LOC128462377: variants seen among roughly 807,000 people sequenced by gnomAD.
chr16:89,319,300 T>G, the LOC128462377 span, among the ~76,000 whole-genome samples: 13 of 152,364 alleles, frequency 8.5e-5, no homozygotes, highest in Admixed American at 7.2e-4. Context: ...ATTCTCTTCA[T>G]GTCCCTAGCT....
the LOC128462377 span, among the ~76,000 whole-genome samples, chr16:89,327,554 C>T: frequency 2.0e-5 from 3 of 152,202 alleles, no homozygotes; most frequent in Admixed American, 6.5e-5. Flanking sequence ...CACACAAACA[C>T]CTATCCTATT....
chr16:89,386,362 C>G, the LOC128462377 span, among the ~76,000 whole-genome samples: 3 of 152,120 alleles, frequency 2.0e-5, no homozygotes, highest in Non-Finnish European at 4.4e-5. Context: ...CAACGTTACT[C>G]GTGTGTCCAG....
the LOC128462377 span, among the ~76,000 whole-genome samples, chr16:89,415,200 C>T: frequency 6.6e-6 from 1 of 151,854 alleles, no homozygotes; most frequent in African/African-American, 2.4e-5. Context: ...GTGATCTACC[C>T]ACCCCTTCCT....
the LOC128462377 span, among the ~76,000 whole-genome samples, chr16:89,326,462 G>C: frequency 6.6e-6 from 1 of 151,156 alleles, no homozygotes; most frequent in African/African-American, 2.4e-5. Context: ...TACACAAATA[G>C]GGCCAGGCAC....
At chr16:89,358,837 T>G in the LOC128462377 span, among the ~76,000 whole-genome samples, 2 of 152,004 alleles carry the variant, frequency 1.3e-5, no homozygotes. Flanking sequence ...TGTAGGTTTT[T>G]TTTTTGAGAA....
chr16:89,345,645 A>C, the LOC128462377 span, among the ~76,000 whole-genome samples: 7 of 152,278 alleles, frequency 4.6e-5, no homozygotes, highest in African/African-American at 1.7e-4. Flanking sequence ...ACTAAGAAAT[A>C]CAAGACCAAG....
At chr16:89,327,932 T>A in the LOC128462377 span, among the ~76,000 whole-genome samples, 402 of 152,280 alleles carry the variant, frequency 2.6e-3, 7 homozygotes, top group South Asian at 0.038. Flanking sequence ...AGACCTAGTT[T>A]AAAGAGTGAA....
chr16:89,318,005 C>T, the LOC128462377 span, among the ~76,000 whole-genome samples: 1 of 152,180 alleles, frequency 6.6e-6, no homozygotes, highest in African/African-American at 2.4e-5. Context: ...CTTTCCGAAG[C>T]AGCCACTCCC....
At chr16:89,349,858 TAA>T in the LOC128462377 span, among the ~76,000 whole-genome samples, 7 of 126,612 alleles carry the variant, frequency 5.5e-5, no homozygotes, top group African/African-American at 9.5e-5. Context: ...AAATACTTGT[TAA>T]AACACACACA....
chr16:89,402,324 T>C, the LOC128462377 span, among the ~76,000 whole-genome samples: 5 of 152,152 alleles, frequency 3.3e-5, no homozygotes, highest in African/African-American at 1.2e-4. Flanking sequence ...ACAGTTCACA[T>C]GAACTCCTAA....
chr16:89,351,906 T>C, the LOC128462377 span, among the ~76,000 whole-genome samples: 2 of 152,308 alleles, frequency 1.3e-5, no homozygotes, highest in African/African-American at 4.8e-5. Flanking sequence ...ATCCTCTCAA[T>C]CAAGCTGGTA....
the LOC128462377 span, among the ~76,000 whole-genome samples, chr16:89,414,302 T>G: frequency 6.6e-6 from 1 of 152,154 alleles, no homozygotes; most frequent in African/African-American, 2.4e-5. Context: ...GGAAAGGTAA[T>G]TTGAAAGTCC....
chr16:89,334,043 G>C, the LOC128462377 span, among the ~76,000 whole-genome samples: 1 of 151,230 alleles, frequency 6.6e-6, no homozygotes, highest in African/African-American at 2.4e-5. Context: ...CAGGTGCAGT[G>C]GCTCAAGCCT....
At chr16:89,350,139 C>G in the LOC128462377 span, among the ~76,000 whole-genome samples, 1 of 152,220 alleles carries the variant, frequency 6.6e-6, no homozygotes, top group African/African-American at 2.4e-5. Flanking sequence ...AAATTAAAAC[C>G]GCAATTCACT....
At chr16:89,350,413 C>T in the LOC128462377 span, among the ~76,000 whole-genome samples, 1 of 152,162 alleles carries the variant, frequency 6.6e-6, no homozygotes, top group Admixed American at 6.5e-5. Context: ...TAGGAAACAA[C>T]GGACATGTCT....
the LOC128462377 span, among the ~76,000 whole-genome samples, chr16:89,343,342 T>C: frequency 1.3e-5 from 2 of 152,160 alleles, no homozygotes; most frequent in Admixed American, 6.5e-5. Context: ...AACAGAAAAA[T>C]TGACATTTAG....
the LOC128462377 span, among the ~76,000 whole-genome samples, chr16:89,358,329 G>A: frequency 1.8e-4 from 27 of 152,190 alleles, no homozygotes; most frequent in Admixed American, 1.0e-3. Flanking sequence ...GCATATTCAC[G>A]GGAGTGAACA....
At chr16:89,353,106 G>A in the LOC128462377 span, among the ~76,000 whole-genome samples, 1 of 152,194 alleles carries the variant, frequency 6.6e-6, no homozygotes, top group Non-Finnish European at 1.5e-5. Flanking sequence ...CACTTTGGGA[G>A]GCCAAGGCAG....
At chr16:89,352,400 C>A in the LOC128462377 span, among the ~76,000 whole-genome samples, 1 of 151,418 alleles carries the variant, frequency 6.6e-6, no homozygotes, top group Non-Finnish European at 1.5e-5. Context: ...AAGCAGAAGG[C>A]CACAGTGACG....
Sources: gnomAD v4.1 joint callset for allele counts (sites outside exome capture counted in the v4.1 genomes callset) on GRCh38, gnomAD v4.1.1 for gene constraint, MANE v1.5 for transcripts.